Variants in BABAM2 observed in about 807,000 individuals in gnomAD.
BABAM2 encodes the protein BRISC and BRCA1 A complex member 2.
BABAM2 carries 31 observed loss-of-function variants against 54.7 expected under a neutral mutation model. The observed-to-expected ratio is 0.57, with a 90% CI of 0.43 to 0.77. The LOEUF is 0.77. BABAM2 is among the 30% of genes least tolerant of loss of function. The pLI is 0.00. For missense variants in BABAM2, 364 were observed against 455.8 expected (o/e 0.80, Z 1.83); for synonymous variants, 167 against 162.9 (o/e 1.03, Z -0.19).
chr2:28,100,317 G>A (rs543928446), intron 6 of BABAM2, among the ~76,000 whole-genome samples: 11 of 151,984 alleles, frequency 7.2e-5, no homozygotes, highest in East Asian at 5.8e-4. Flanking sequence ...AAAATTAACC[G>A]GGTGTGGTGG....
chr2:28,021,547 A>C (rs1675269472), intron 4 of BABAM2, among the ~76,000 whole-genome samples: 1 of 152,218 alleles, frequency 6.6e-6, no homozygotes, highest in African/African-American at 2.4e-5. Context: ...AAAAAGGAGA[A>C]ATTAGGAAAA....
intron 11 of BABAM2, among the ~76,000 whole-genome samples, chr2:28,321,898 C>T (rs534734354): frequency 1.3e-5 from 2 of 151,670 alleles, no homozygotes; most frequent in Admixed American, 1.3e-4. Context: ...GATACATCTG[C>T]TTCTCAAGTT....
chr2:27,999,600 CCTT>C (rs1437109630), intron 4 of BABAM2, among the ~76,000 whole-genome samples: 4 of 152,206 alleles, frequency 2.6e-5, no homozygotes, highest in Admixed American at 1.3e-4. Context: ...GTTTTGTTTT[CCTT>C]CTTCCTAGTA....
chr2:28,091,358 A>G (rs1666140567), intron 6 of BABAM2, among the ~76,000 whole-genome samples: 1 of 152,200 alleles, frequency 6.6e-6, no homozygotes, highest in Admixed American at 6.5e-5. Context: ...CATAGGATAT[A>G]TCAGGAAAGG....
chr2:28,227,235 T>C (rs1183829416), intron 7 of BABAM2, among the ~76,000 whole-genome samples: 2 of 152,150 alleles, frequency 1.3e-5, no homozygotes, highest in African/African-American at 2.4e-5. Flanking sequence ...CAGTTCACCA[T>C]TGGCATCGCA....
At position 28,024,105 on chromosome 2, in the gene BABAM2, T is replaced by A. The variant is rs1009704643; in HGVS notation, c.301-1121T>A. Among the ~76,000 whole-genome samples, 4 of 152,234 alleles carry A rather than the reference T, an allele frequency of 2.6e-5. No homozygotes were observed. In the South Asian group the frequency reaches 8.3e-4, roughly 32 times the overall value. On this transcript the variant is annotated intron_variant, in intron 4 of 11. Transcript: ENST00000379624. The stretch of plus-strand genomic sequence containing the variant: ...ACTCAGTTAAAAAAACAACGACAGT[T>A]CACTTAAGAATGTCTTTGGCCGGGC...
chr2:28,101,147 G>T (rs185562764), intron 6 of BABAM2, among the ~76,000 whole-genome samples: 14 of 152,142 alleles, frequency 9.2e-5, no homozygotes, highest in Admixed American at 8.5e-4. Flanking sequence ...GACTCATCCA[G>T]GTTTTAAATA....
intron 10 of BABAM2, among the ~76,000 whole-genome samples, chr2:28,248,863 A>C (rs1370351326): frequency 6.6e-6 from 1 of 151,810 alleles, no homozygotes; most frequent in Non-Finnish European, 1.5e-5. Flanking sequence ...GTTTTCCTCT[A>C]CCTCCAACTT....
intron 11 of BABAM2, among the ~76,000 whole-genome samples, chr2:28,331,827 A>T (rs1690983256): frequency 1.3e-5 from 2 of 152,224 alleles, no homozygotes; most frequent in South Asian, 4.1e-4. Flanking sequence ...GCATATACCC[A>T]AAGGAATATA....
intron 3 of BABAM2, among the ~76,000 whole-genome samples, chr2:27,955,287 G>A (rs1303282168): frequency 6.6e-6 from 1 of 152,096 alleles, no homozygotes; most frequent in Non-Finnish European, 1.5e-5. Context: ...TAAGTTCTTG[G>A]CAATTTGATC....
intron 4 of BABAM2, among the ~76,000 whole-genome samples, chr2:28,020,984 C>CAT (rs1553413162): frequency 2.6e-5 from 4 of 151,752 alleles, no homozygotes; most frequent in African/African-American, 9.7e-5. Flanking sequence ...CACACACACA[C>CAT]ACACACAAAC....
At chr2:28,204,891 T>C (rs1678667193) in intron 7 of BABAM2, among the ~76,000 whole-genome samples, 1 of 152,136 alleles carries the variant, frequency 6.6e-6, no homozygotes, top group Admixed American at 6.5e-5. Flanking sequence ...GCCTGGACCT[T>C]GCATGTTAAC....
intron 2 of BABAM2, among the ~76,000 whole-genome samples, chr2:27,928,038 A>T (rs1667839037): frequency 6.6e-6 from 1 of 150,698 alleles, no homozygotes. Context: ...TTTGAGATGG[A>T]GTCTTGCTCT....
intron 7 of BABAM2, among the ~76,000 whole-genome samples, chr2:28,135,882 T>A (rs1025633047): frequency 1.1e-4 from 17 of 152,198 alleles, no homozygotes; most frequent in African/African-American, 3.4e-4. Flanking sequence ...AACTTCTAGT[T>A]CCTTCCTATT....
chr2:27,994,492 CAGAGT>C (rs1269787414), intron 4 of BABAM2, among the ~76,000 whole-genome samples: 1 of 152,206 alleles, frequency 6.6e-6, no homozygotes, highest in Non-Finnish European at 1.5e-5. Context: ...CACCTTGCCT[CAGAGT>C]AAACACTATG....
At chr2:28,007,077 C>T (rs1383064855) in intron 4 of BABAM2, among the ~76,000 whole-genome samples, 3 of 151,682 alleles carry the variant, frequency 2.0e-5, no homozygotes, top group Non-Finnish European at 4.4e-5. Context: ...GACTTTATAG[C>T]ATCAGTATTA....
intron 11 of BABAM2, among the ~76,000 whole-genome samples, chr2:28,320,722 G>T (rs966673165): frequency 1.3e-5 from 2 of 152,220 alleles, no homozygotes; most frequent in Non-Finnish European, 2.9e-5. Flanking sequence ...GCCCTCAGTG[G>T]CTGCAGAAGG....
At chr2:28,185,243 A>G (rs1398580604) in intron 7 of BABAM2, among the ~76,000 whole-genome samples, 1 of 152,218 alleles carries the variant, frequency 6.6e-6, no homozygotes, top group African/African-American at 2.4e-5. Context: ...AACTCCAGAG[A>G]TAAATTCATC....
At chr2:28,200,758 T>TTTTGTTTG (rs61127965) in intron 7 of BABAM2, among the ~76,000 whole-genome samples, 29,446 of 151,072 alleles carry the variant, frequency 0.19, 3,268 homozygotes, top group African/African-American at 0.3. Flanking sequence ...CTATGGGGTT[T>TTTTGTTTG]TTTGTTTGTT....
Sources: gnomAD v4.1 joint callset for allele counts (sites outside exome capture counted in the v4.1 genomes callset) on GRCh38, gnomAD v4.1.1 for gene constraint, MANE v1.5 for transcripts, NCBI Gene and HGNC (gene_info 2026-07-23, HGNC 2026-07-21) for gene names.